The following AKAP1 variants were observed in gnomAD, a reference collection of about 807,000 sequenced individuals.
AKAP1 encodes A-kinase anchor protein 1, mitochondrial.
A neutral mutation model predicts 79.8 loss-of-function variants in AKAP1; 32 were observed. The ratio of observed to expected loss-of-function variants is 0.40; its 90% CI spans 0.30 to 0.54. The LOEUF is 0.54. AKAP1 is among the 20% of genes least tolerant of loss of function. The probability of loss-of-function intolerance (pLI) is 0.47; values close to 1 mark genes in which losing one functional copy is unlikely to be tolerated. For synonymous variants in AKAP1, 416 were observed against 466.7 expected, an observed-to-expected ratio of 0.89 and a Z score of 1.40; for missense variants, 961 against 1,138.9, an observed-to-expected ratio of 0.84 and a Z score of 2.25.
intron 3 of AKAP1, among the ~76,000 whole-genome samples, chr17:57,110,796 G>C (rs1036969427): frequency 2.6e-5 from 4 of 152,172 alleles, no homozygotes; most frequent in Admixed American, 2.6e-4. Flanking sequence ...TCACTGTGTG[G>C]ATGTCAGTTT....
intron 1 of AKAP1, chr17:57,085,922 A>G (rs1365151575): frequency 1.2e-5 from 2 of 170,922 alleles, no homozygotes; most frequent in African/African-American, 4.8e-5. Context: ...AGCCTCGCCC[A>G]ACTTCTCACC....
chr17:57,087,691 C>T (rs117346307), intron 1 of AKAP1, among the ~76,000 whole-genome samples: 1,971 of 152,324 alleles, frequency 0.013, 25 homozygotes, highest in South Asian at 0.034. Context: ...ACTTGAGTGA[C>T]TTGAATTCTA....
chr17:57,118,873 C>G, intron 9 of AKAP1, 109 bp from the exon 10 acceptor site: 1 of 1,231,290 alleles, frequency 8.1e-7, no homozygotes, highest in East Asian at 2.3e-5. Context: ...TCACCTCCCA[C>G]CAGGTCTCTC....
At chr17:57,112,064 C>A (rs1464900392) in intron 4 of AKAP1, 140 bp downstream of exon 4, 1 of 1,155,666 alleles carries the variant, frequency 8.7e-7, no homozygotes, top group African/African-American at 1.6e-5. Context: ...AGGTATCTTC[C>A]CTGCAGCCTT....
intron 9 of AKAP1, 36 bp from the exon 10 acceptor site, chr17:57,118,946 C>T: frequency 7.5e-6 from 12 of 1,604,502 alleles, no homozygotes; most frequent in Non-Finnish European, 1.0e-5. Context: ...GGACACAAAA[C>T]CTAACCATAT....
intron 3 of AKAP1, among the ~76,000 whole-genome samples, chr17:57,111,527 G>A (rs1054987044): frequency 2.0e-5 from 3 of 152,214 alleles, no homozygotes; most frequent in Non-Finnish European, 2.9e-5. Context: ...TGCCTGGTTC[G>A]ACTTCCTGGT....
intron 5 of AKAP1, among the ~76,000 whole-genome samples, chr17:57,113,551 A>G (rs1400887927): frequency 6.7e-6 from 1 of 149,292 alleles, no homozygotes; most frequent in African/African-American, 2.5e-5. Flanking sequence ...TTACTCCTGA[A>G]TCAAGAGTTT....
rs1205488242 is a variant in AKAP1, at chr17:57,110,025, G to A, written c.1715G>A (p.Gly572Asp). The change falls in exon 3 of 11, where the codon GGT (glycine) becomes GAT (aspartate). Residue 572 changes from glycine (G) to aspartate (D), a missense_variant and splice_region_variant. Physicochemically the swap from Gly to Asp is moderately conservative, Grantham distance 94. Transcript: ENST00000337714. ...GTGCCTGCTGCTTCTTCCCCTGCAG[G>A]TTCTGACAGGAACAGCATGGATTCC... ...TMDAEADHSG[G>D]SDRNSMDSVD... 11 of 1,613,702 alleles carry A rather than the reference G, an allele frequency of 6.8e-6. No individual in the cohort carries two copies. Among genetic ancestry groups the A allele is most frequent in the African/African-American group, 1.3e-5 (1 of 74,904 alleles).
At chr17:57,114,367 T>C (rs368788445) in intron 5 of AKAP1, 92 bp from the exon 6 acceptor site, 2 of 1,485,178 alleles carry the variant, frequency 1.3e-6, no homozygotes, top group Admixed American at 1.8e-5. Flanking sequence ...AAAGATATGC[T>C]AGCCCAGAGA....
intron 1 of AKAP1, among the ~76,000 whole-genome samples, chr17:57,091,413 G>C (rs556350176): frequency 9.9e-5 from 15 of 151,562 alleles, no homozygotes; most frequent in Non-Finnish European, 7.4e-5. Context: ...CTCGTCAGGA[G>C]AGAGAGGAGA....
intron 5 of AKAP1, among the ~76,000 whole-genome samples, chr17:57,113,276 C>G (rs1436852604): frequency 6.6e-6 from 1 of 152,194 alleles, no homozygotes; most frequent in East Asian, 1.9e-4. Context: ...CTGGTTGGGT[C>G]TTATCTCACT....
At chr17:57,095,485 T>TTTTTTC (rs1567898364) in intron 1 of AKAP1, 5 of 138,184 alleles carry the variant, frequency 3.6e-5, no homozygotes, top group Admixed American at 1.5e-4. Context: ...TTTTTTTTTT[T>TTTTTTC]CTTCTGCCCT....
chr17:57,087,532 T>C (rs1348652020), intron 1 of AKAP1, among the ~76,000 whole-genome samples: 2 of 152,224 alleles, frequency 1.3e-5, no homozygotes, highest in Non-Finnish European at 2.9e-5. Flanking sequence ...GGAAGGCTGG[T>C]GTTAGCCTCT....
intron 5 of AKAP1, among the ~76,000 whole-genome samples, chr17:57,113,888 C>T (rs1754643484): frequency 6.6e-6 from 1 of 152,090 alleles, no homozygotes; most frequent in Admixed American, 6.5e-5. Flanking sequence ...CTCTGCTAGA[C>T]CTTGACCATG....
intron 2 of AKAP1, among the ~76,000 whole-genome samples, chr17:57,108,834 G>C (rs1351965645): frequency 6.6e-6 from 1 of 152,234 alleles, no homozygotes; most frequent in Admixed American, 6.5e-5. Flanking sequence ...CGGGATGGCA[G>C]GTGTTAGCCA....
At chr17:57,117,061 A>C in intron 8 of AKAP1, 134 bp downstream of exon 8, 2 of 940,632 alleles carry the variant, frequency 2.1e-6, no homozygotes, top group Non-Finnish European at 3.4e-6. Context: ...TTCTGACTGA[A>C]TAGGTCTGGG....
At chr17:57,105,321 A>G (rs932779257) in intron 1 of AKAP1, 120 bp from the exon 2 acceptor site, 1 of 935,926 alleles carries the variant, frequency 1.1e-6, no homozygotes, top group Non-Finnish European at 1.7e-6. Flanking sequence ...CTTGGAGGGC[A>G]GGGAAGGCGG....
At chr17:57,093,330 C>A (rs561964929) in intron 1 of AKAP1, 1 of 152,388 alleles carries the variant, frequency 6.6e-6, no homozygotes, top group East Asian at 1.9e-4. Flanking sequence ...CCTGAGGGAT[C>A]TCTTTGCCTT....
At chr17:57,112,269 T>C (rs1463951152) in intron 4 of AKAP1, among the ~76,000 whole-genome samples, 4 of 152,198 alleles carry the variant, frequency 2.6e-5, no homozygotes, top group Admixed American at 2.6e-4. Flanking sequence ...TGCCTGCCTC[T>C]TCTGTTGCAT....
Sources: gnomAD v4.1 joint callset for allele counts (sites outside exome capture counted in the v4.1 genomes callset) on GRCh38, gnomAD v4.1.1 for gene constraint, MANE v1.5 for transcripts, NCBI Gene and HGNC (gene_info 2026-07-23, HGNC 2026-07-21) for gene names.